Variants in CYSLTR2 observed in about 807,000 individuals in gnomAD.
CYSLTR2 encodes the protein G-protein coupled receptor GPCR21.
For synonymous variants in CYSLTR2, 179 were observed against 160.8 expected (o/e 1.11, Z -0.86); for missense variants, 398 against 411.9 (o/e 0.97, Z 0.29).
At chr13:48,675,083 A>G (rs756952046) in intron 1 of CYSLTR2, among the ~76,000 whole-genome samples, 1 of 152,174 alleles carries the variant, frequency 6.6e-6, no homozygotes, top group African/African-American at 2.4e-5. Flanking sequence ...AGTGTCTCCC[A>G]GTCAGGGGGC....
chr13:48,684,534 A>G (rs1953846995), intron 1 of CYSLTR2, among the ~76,000 whole-genome samples: 1 of 152,046 alleles, frequency 6.6e-6, no homozygotes, highest in African/African-American at 2.4e-5. Flanking sequence ...AAGTTAGATC[A>G]TCCCTACATT....
chr13:48,686,306 T>C (rs1342130744), intron 1 of CYSLTR2, among the ~76,000 whole-genome samples: 2 of 152,184 alleles, frequency 1.3e-5, no homozygotes, highest in East Asian at 3.8e-4. Context: ...AGTCTTCTAG[T>C]CAAAGGCCAT....
intron 1 of CYSLTR2, among the ~76,000 whole-genome samples, chr13:48,681,825 G>C (rs1953763848): frequency 6.6e-6 from 1 of 152,132 alleles, no homozygotes; most frequent in South Asian, 2.1e-4. Context: ...ACAAGCGGTG[G>C]TCTTCATGGT....
intron 1 of CYSLTR2, among the ~76,000 whole-genome samples, chr13:48,685,887 T>A (rs1953883302): frequency 6.6e-6 from 1 of 152,224 alleles, no homozygotes; most frequent in Non-Finnish European, 1.5e-5. Context: ...AAATTCTGTG[T>A]ATATCAGGCT....
intron 2 of CYSLTR2, among the ~76,000 whole-genome samples, chr13:48,691,865 A>AT (rs1418191207): frequency 6.6e-6 from 1 of 152,046 alleles, no homozygotes; most frequent in Non-Finnish European, 1.5e-5. Flanking sequence ...AAATAAAAAT[A>AT]TTTTTATCAG....
intron 4 of CYSLTR2, among the ~76,000 whole-genome samples, chr13:48,697,663 G>A (rs1240599741): frequency 6.6e-6 from 1 of 152,246 alleles, no homozygotes; most frequent in Admixed American, 6.5e-5. Context: ...GACGGAGAAT[G>A]ACTTTGAAGA....
At chr13:48,697,875 A>G (rs533255898) in intron 4 of CYSLTR2, among the ~76,000 whole-genome samples, 1 of 152,374 alleles carries the variant, frequency 6.6e-6, no homozygotes, top group East Asian at 1.9e-4. Flanking sequence ...ACGCATGCAC[A>G]AGCTTCAGTA....
chr13:48,669,818 G>C (rs1039383743), intron 1 of CYSLTR2, among the ~76,000 whole-genome samples: 1 of 152,160 alleles, frequency 6.6e-6, no homozygotes, highest in Non-Finnish European at 1.5e-5. Flanking sequence ...GGATTGAATG[G>C]TATTTCTGGT....
chr13:48,682,514 C>T (rs1476489392), intron 1 of CYSLTR2, among the ~76,000 whole-genome samples: 4 of 152,112 alleles, frequency 2.6e-5, no homozygotes, highest in Admixed American at 2.0e-4. Context: ...ACAATCTAAG[C>T]TAGGAACCTC....
At chr13:48,665,787 G>A (rs1363066229) in intron 1 of CYSLTR2, among the ~76,000 whole-genome samples, 2 of 152,104 alleles carry the variant, frequency 1.3e-5, no homozygotes, top group East Asian at 3.9e-4. Context: ...CTTTTAAATG[G>A]GGAATTTAAT....
At chr13:48,675,960 AC>A (rs1479565782) in intron 1 of CYSLTR2, among the ~76,000 whole-genome samples, 2 of 151,734 alleles carry the variant, frequency 1.3e-5, no homozygotes, top group East Asian at 3.9e-4. Context: ...GCTTCTGCTC[AC>A]CCCCCATGGG....
In CYSLTR2 at chr13:48,672,036, A is replaced by G. The variant is rs866876751; in HGVS notation, c.-266+18019A>G. On this transcript the variant is annotated intron_variant, in intron 1 of 4. Coordinates refer to ENST00000682523, the MANE Select transcript of CYSLTR2 (RefSeq NM_001308476.3). ...GGAGGGTGTATGTGTCCAGGAATTT[A>G]TCCATTTCTTCTAGATTTTCTAGTT... is the stretch of plus-strand genomic sequence containing the variant. 2.0e-5 allele frequency among the ~76,000 whole-genome samples: 3 copies of G among 152,044 alleles called. No individual in the cohort carries two copies. In the South Asian group the frequency reaches 6.2e-4, roughly 32 times the overall value.
chr13:48,684,043 T>C (rs1953830905), intron 1 of CYSLTR2, among the ~76,000 whole-genome samples: 1 of 152,190 alleles, frequency 6.6e-6, no homozygotes, highest in African/African-American at 2.4e-5. Context: ...CTCAGCCTCC[T>C]GAGTAGCCAG....
intron 1 of CYSLTR2, among the ~76,000 whole-genome samples, chr13:48,672,069 A>G (rs1953446227): frequency 6.6e-6 from 1 of 152,070 alleles, no homozygotes; most frequent in African/African-American, 2.4e-5. Context: ...GTTTATTTGC[A>G]TAGAGGTGTT....
chr13:48,677,427 A>G (rs1442337611), intron 1 of CYSLTR2, among the ~76,000 whole-genome samples: 1 of 152,118 alleles, frequency 6.6e-6, no homozygotes, highest in Non-Finnish European at 1.5e-5. Context: ...TTGGTCACAG[A>G]GTTTGGTAGG....
intron 1 of CYSLTR2, among the ~76,000 whole-genome samples, chr13:48,685,835 T>A (rs1371035929): frequency 6.6e-6 from 1 of 152,182 alleles, no homozygotes; most frequent in African/African-American, 2.4e-5. Flanking sequence ...TTAGACTGTG[T>A]TAGCATGCAA....
intron 1 of CYSLTR2, among the ~76,000 whole-genome samples, chr13:48,656,862 A>T (rs1386063424): frequency 1.3e-5 from 2 of 152,230 alleles, no homozygotes; most frequent in African/African-American, 4.8e-5. Context: ...AAATTGGATA[A>T]TACAAAGAAA....
At chr13:48,659,396 T>C (rs1953073946) in intron 1 of CYSLTR2, among the ~76,000 whole-genome samples, 1 of 152,228 alleles carries the variant, frequency 6.6e-6, no homozygotes, top group East Asian at 1.9e-4. Flanking sequence ...GGATTTGGGT[T>C]CAGTTGGGAT....
chr13:48,678,722 C>T (rs1056909911), intron 1 of CYSLTR2, among the ~76,000 whole-genome samples: 1 of 152,146 alleles, frequency 6.6e-6, no homozygotes, highest in African/African-American at 2.4e-5. Flanking sequence ...TTCATAGGTT[C>T]CTTTTATTAA....
Sources: gnomAD v4.1 joint callset for allele counts (sites outside exome capture counted in the v4.1 genomes callset) on GRCh38, gnomAD v4.1.1 for gene constraint, MANE v1.5 for transcripts, NCBI Gene and HGNC (gene_info 2026-07-23, HGNC 2026-07-21) for gene names.